Variants in KLF12 observed in about 807,000 individuals in gnomAD.
KLF12 encodes the protein Krueppel-like factor 12.
Under a neutral mutation model 37.8 loss-of-function variants are expected in KLF12, and 9 were observed. The ratio of observed to expected loss-of-function variants is 0.24; its 90% CI spans 0.14 to 0.42. The LOEUF (loss-of-function observed/expected upper bound fraction) is 0.42. Ranked by LOEUF, KLF12 falls within the 10% of genes least tolerant of loss-of-function variation. The probability of loss-of-function intolerance (pLI) is 1.00; values close to 1 mark genes in which losing one functional copy is unlikely to be tolerated. For synonymous variants in KLF12, 208 were observed against 202.1 expected, an observed-to-expected ratio of 1.03 and a Z score of -0.25; for missense variants, 411 against 516.0, an observed-to-expected ratio of 0.80 and a Z score of 1.97.
At chr13:73,722,943 T>C (rs1459481517) in intron 6 of KLF12, among the ~76,000 whole-genome samples, 1 of 152,228 alleles carries the variant, frequency 6.6e-6, no homozygotes, top group Non-Finnish European at 1.5e-5. Flanking sequence ...TATTTCATGA[T>C]TTTACTTAAA....
the KLF12 span, among the ~76,000 whole-genome samples, chr13:74,254,799 T>C: frequency 6.6e-6 from 1 of 152,082 alleles, no homozygotes; most frequent in Admixed American, 6.5e-5. Context: ...TTTGTGTGCG[T>C]GTGTGTGTGT....
Position 73,876,592 on chromosome 13 carries a change from C to G in KLF12, c.124-30219G>C, listed in dbSNP as rs187085559. On this transcript the variant is annotated intron_variant, in intron 3 of 7. Coordinates refer to ENST00000377669, the MANE Select transcript of KLF12 (RefSeq NM_007249.5). ...CAGCCAGAATTGTGCATTCCACATT[C>G]ATTTACGTGGCTTATAATTAGTGAT... 7.9e-5 allele frequency among the ~76,000 whole-genome samples: 12 copies of G among 152,284 alleles called. No individual in the cohort carries two copies. The East Asian group carries it at 2.3e-3, about 29-fold the overall frequency.
chr13:74,209,766 A>G, the KLF12 span, among the ~76,000 whole-genome samples: 1 of 152,214 alleles, frequency 6.6e-6, no homozygotes, highest in African/African-American at 2.4e-5. Flanking sequence ...AGTGCCTACA[A>G]TAAGTTCTTG....
chr13:74,056,194 G>A (rs1324251713), intron 1 of KLF12, among the ~76,000 whole-genome samples: 4 of 151,962 alleles, frequency 2.6e-5, no homozygotes, highest in Non-Finnish European at 5.9e-5. Context: ...GAAAGAGGGA[G>A]AGAAGCAGGC....
intron 1 of KLF12, among the ~76,000 whole-genome samples, chr13:74,128,708 G>A (rs1258021383): frequency 6.6e-6 from 1 of 152,148 alleles, no homozygotes; most frequent in African/African-American, 2.4e-5. Context: ...TAACTTGGTT[G>A]CCATTTAGGT....
intron 2 of KLF12, among the ~76,000 whole-genome samples, chr13:73,992,488 G>T (rs914712579): frequency 6.6e-6 from 1 of 152,142 alleles, no homozygotes; most frequent in African/African-American, 2.4e-5. Context: ...TGTTTTTAAG[G>T]AAAGGGTGGA....
At chr13:74,164,142 G>T in the KLF12 span, among the ~76,000 whole-genome samples, 2 of 152,040 alleles carry the variant, frequency 1.3e-5, no homozygotes, top group Non-Finnish European at 2.9e-5. Context: ...TGAAAGAACT[G>T]TATTCTAGTC....
At chr13:74,064,294 A>G (rs1172163661) in intron 1 of KLF12, among the ~76,000 whole-genome samples, 1 of 152,216 alleles carries the variant, frequency 6.6e-6, no homozygotes, top group African/African-American at 2.4e-5. Context: ...ATTTTACCAT[A>G]CAATGATTTG....
Position 73,774,641 on chromosome 13 carries a change from T to C in KLF12, c.807-9641A>G, listed in dbSNP as rs182410693. On this transcript the variant is annotated intron_variant, in intron 5 of 7. Coordinates refer to ENST00000377669, the MANE Select transcript of KLF12 (RefSeq NM_007249.5). The stretch of plus-strand genomic sequence containing the variant: ...ATGTAAGATATTAACATTAGAAAAA[T>C]TGGGTGAAAGGTATATGTGAATTCT... 3.3e-5 allele frequency among the ~76,000 whole-genome samples: 5 copies of C among 152,208 alleles called. No homozygotes were observed. In the East Asian group the frequency reaches 5.8e-4, roughly 18 times the overall value.
upstream of KLF12, among the ~76,000 whole-genome samples, chr13:74,137,406 C>A (rs1878592876): frequency 6.6e-6 from 1 of 152,108 alleles, no homozygotes; most frequent in Non-Finnish European, 1.5e-5. Context: ...ACCCATTTCC[C>A]TAACTATATA....
chr13:74,036,011 G>A (rs754878634), intron 1 of KLF12, among the ~76,000 whole-genome samples: 9 of 152,160 alleles, frequency 5.9e-5, no homozygotes, highest in Non-Finnish European at 1.2e-4. Flanking sequence ...ATGTCTGACC[G>A]GTCCAGTGCA....
At chr13:74,060,502 G>GTGTGTGTGTC (rs779967911) in intron 1 of KLF12, among the ~76,000 whole-genome samples, 3,533 of 150,158 alleles carry the variant, frequency 0.024, 60 homozygotes, top group Non-Finnish European at 0.04. Context: ...GTGTGTGTGT[G>GTGTGTGTGTC]TGTGTGTGTG....
At chr13:74,291,772 A>G in the KLF12 span, among the ~76,000 whole-genome samples, 604 of 152,336 alleles carry the variant, frequency 4.0e-3, 4 homozygotes, top group African/African-American at 0.013. Context: ...AAAAGCAGGC[A>G]CACAAATCAG....
chr13:74,112,363 T>C (rs1351308208), intron 1 of KLF12, among the ~76,000 whole-genome samples: 2 of 148,766 alleles, frequency 1.3e-5, no homozygotes, highest in Non-Finnish European at 1.5e-5. Context: ...TTACATTCCA[T>C]TTTACTGCAC....
At chr13:74,023,061 T>C (rs180980562) in intron 1 of KLF12, among the ~76,000 whole-genome samples, 5 of 152,314 alleles carry the variant, frequency 3.3e-5, no homozygotes, top group African/African-American at 1.2e-4. Context: ...TCTGCACTAG[T>C]GATTCTCTGC....
intron 5 of KLF12, among the ~76,000 whole-genome samples, chr13:73,785,679 C>A (rs1182531334): frequency 5.3e-5 from 8 of 151,796 alleles, no homozygotes; most frequent in Admixed American, 5.2e-4. Context: ...TTGTTGACTT[C>A]TCTCTCATTC....
intron 2 of KLF12, among the ~76,000 whole-genome samples, chr13:73,978,529 C>T (rs147874949): frequency 0.01 from 1,542 of 152,248 alleles, 79 homozygotes; most frequent in Admixed American, 0.08. Flanking sequence ...GAAACAGCCA[C>T]TTTGGAAGAC....
At chr13:73,901,981 A>C (rs1330413373) in intron 3 of KLF12, among the ~76,000 whole-genome samples, 2 of 152,214 alleles carry the variant, frequency 1.3e-5, no homozygotes, top group Non-Finnish European at 2.9e-5. Flanking sequence ...ACATAGCCAT[A>C]AATACTTTTA....
the KLF12 span, among the ~76,000 whole-genome samples, chr13:74,148,679 C>A: frequency 6.6e-6 from 1 of 152,162 alleles, no homozygotes; most frequent in African/African-American, 2.4e-5. Flanking sequence ...GATAGTTTAG[C>A]ACCTTGTCCT....
Sources: allele counts gnomAD v4.1 joint callset (sites outside exome capture counted in the v4.1 genomes callset), GRCh38; gene constraint gnomAD v4.1.1; transcripts MANE v1.5; gene names NCBI Gene and HGNC (gene_info 2026-07-23, HGNC 2026-07-21).